EYA2: variants seen among roughly 807,000 people sequenced by gnomAD.
EYA2 encodes the protein EYA transcriptional coactivator and phosphatase 2, also known as protein phosphatase EYA2.
EYA2 carries 31 observed loss-of-function variants against 69.2 expected under a neutral mutation model. The observed-to-expected ratio is 0.45, with a 90% CI of 0.34 to 0.60. The LOEUF (loss-of-function observed/expected upper bound fraction) is 0.60, where lower values mean the gene tolerates loss of function less well. Ranked by LOEUF, EYA2 falls within the 20% of genes least tolerant of loss-of-function variation. EYA2 has a pLI of 0.02. For missense variants in EYA2, 622 were observed against 701.2 expected, an observed-to-expected ratio of 0.89 and a Z score of 1.28; for synonymous variants, 257 against 279.4, an observed-to-expected ratio of 0.92 and a Z score of 0.80.
intron 12 of EYA2, among the ~76,000 whole-genome samples, chr20:47,176,433 A>G (rs977061194): frequency 6.6e-6 from 1 of 152,110 alleles, no homozygotes; most frequent in African/African-American, 2.4e-5. Flanking sequence ...GAAGAAACAG[A>G]TATGGCAGAG....
chr20:47,070,377 G>A (rs1218420096), intron 5 of EYA2, among the ~76,000 whole-genome samples: 1 of 152,238 alleles, frequency 6.6e-6, no homozygotes, highest in Non-Finnish European at 1.5e-5. Context: ...TAGAGTGGCT[G>A]TAATCAAGAA....
At chr20:47,059,297 C>T (rs1279130612) in intron 5 of EYA2, among the ~76,000 whole-genome samples, 3 of 152,058 alleles carry the variant, frequency 2.0e-5, no homozygotes, top group South Asian at 2.1e-4. Context: ...ACTACAGGCT[C>T]GAGGGGCCAG....
Position 47,162,874 on chromosome 20 carries a change from C to T in EYA2, c.979-6265C>T, listed in dbSNP as rs112528229. Among the ~76,000 whole-genome samples the T allele has an allele frequency of 1.9e-3, 282 of 152,108 alleles. 1 individual carries two copies. Among genetic ancestry groups the T allele is most frequent in the African/African-American group, 6.6e-3 (272 of 41,506 alleles). On this transcript the variant is annotated intron_variant, in intron 10 of 15. Transcript: ENST00000327619. ...AGCTAAAACCTTCTTTGATCACCAGCCCAATCCCAGTGACTCCCCATATGA... is the reference window on the plus strand; with the variant it reads ...AGCTAAAACCTTCTTTGATCACCAGTCCAATCCCAGTGACTCCCCATATGA...
intron 4 of EYA2, among the ~76,000 whole-genome samples, 172 bp from the exon 5 acceptor site, chr20:47,016,009 A>G (rs1402667462): frequency 6.6e-6 from 1 of 152,252 alleles, no homozygotes; most frequent in African/African-American, 2.4e-5. Context: ...TATGCTGGCC[A>G]AGTCAAATGT....
chr20:47,088,962 C>T (rs2031985337), intron 7 of EYA2, among the ~76,000 whole-genome samples: 1 of 152,216 alleles, frequency 6.6e-6, no homozygotes, highest in Admixed American at 6.5e-5. Flanking sequence ...TGTCTCCTCT[C>T]ACTAGCGTTG....
intron 1 of EYA2, among the ~76,000 whole-genome samples, chr20:46,904,690 G>T (rs1359761020): frequency 1.3e-5 from 2 of 152,246 alleles, no homozygotes. Flanking sequence ...CCTGCTACTC[G>T]ATCCTGCCAA....
At chr20:46,915,896 C>T (rs1984883009) in intron 1 of EYA2, among the ~76,000 whole-genome samples, 1 of 152,152 alleles carries the variant, frequency 6.6e-6, no homozygotes, top group Non-Finnish European at 1.5e-5. Flanking sequence ...CATCATGGCG[C>T]TTTCCCTCCC....
At chr20:47,127,574 A>T (rs1379338219) in intron 9 of EYA2, among the ~76,000 whole-genome samples, 3 of 152,226 alleles carry the variant, frequency 2.0e-5, no homozygotes, top group Non-Finnish European at 4.4e-5. Flanking sequence ...AAAGAAAAGA[A>T]AATATGTATG....
chr20:46,912,857 C>T (rs1490048811), intron 1 of EYA2, among the ~76,000 whole-genome samples: 6 of 151,216 alleles, frequency 4.0e-5, no homozygotes, highest in Non-Finnish European at 5.9e-5. Context: ...CCCGCCACCG[C>T]GCCCGGCTAA....
chr20:46,952,679 C>G (rs539945732), intron 1 of EYA2, among the ~76,000 whole-genome samples: 1 of 152,190 alleles, frequency 6.6e-6, no homozygotes, highest in African/African-American at 2.4e-5. Context: ...CAGGCCACCC[C>G]GCACCTGGAG....
In EYA2 at chr20:47,049,870, C is replaced by A. The variant is rs1034865861; in HGVS notation, c.416-22315C>A. On this transcript the variant is annotated intron_variant, in intron 5 of 15. Transcript: ENST00000327619. ...TCCCATCTGTGACAGACCCCCCCCCCACCGCCACCAGTCTGTCTTTCTCTC... is the reference window on the plus strand; with the variant it reads ...TCCCATCTGTGACAGACCCCCCCCCAACCGCCACCAGTCTGTCTTTCTCTC... Among the ~76,000 whole-genome samples, 4 of 151,270 alleles carry A rather than the reference C, an allele frequency of 2.6e-5. No homozygotes were observed. The East Asian group carries it at 7.8e-4, about 29-fold the overall frequency.
At chr20:47,182,673 C>A (rs112483916) in intron 14 of EYA2, among the ~76,000 whole-genome samples, 6 of 142,282 alleles carry the variant, frequency 4.2e-5, no homozygotes, top group Non-Finnish European at 6.0e-5. Flanking sequence ...CAGTGGCTCA[C>A]GCCTGTAATC....
intron 5 of EYA2, among the ~76,000 whole-genome samples, chr20:47,021,337 T>G (rs958796152): frequency 3.9e-5 from 6 of 152,028 alleles, no homozygotes; most frequent in Admixed American, 3.9e-4. Context: ...TAGGGAGACT[T>G]AAAAACAGGC....
chr20:47,055,546 A>G (rs190147877), intron 5 of EYA2, among the ~76,000 whole-genome samples: 1 of 152,192 alleles, frequency 6.6e-6, no homozygotes, highest in Admixed American at 6.5e-5. Flanking sequence ...AGCACCGTGC[A>G]GTTCCTGATG....
At chr20:47,082,455 G>C (rs1479742515) in intron 7 of EYA2, among the ~76,000 whole-genome samples, 1 of 151,872 alleles carries the variant, frequency 6.6e-6, no homozygotes, top group Non-Finnish European at 1.5e-5. Flanking sequence ...ACAGGAAATA[G>C]AATATTTTAA....
In EYA2 at chr20:47,117,488, C is replaced by T. The variant is rs934102623; in HGVS notation, c.888+20320C>T. On this transcript the variant is annotated intron_variant, in intron 9 of 15. Coordinates refer to ENST00000327619, the MANE Select transcript of EYA2 (RefSeq NM_005244.5). ...GGCTCCTCTGCCCTCTCCGTTCCAC[C>T]ACAGTCCTCCCCGATTCCTCCGCGG... 1.8e-5 allele frequency: 18 copies of T among 985,376 alleles called. No homozygotes were observed. The African/African-American group carries it at 3.1e-4, about 17-fold the overall frequency. The allele number at this position is 985,376 out of a possible 1,614,324, so 61.0% of individuals were successfully genotyped here.
At chr20:47,153,288 T>A (rs967292016) in intron 10 of EYA2, among the ~76,000 whole-genome samples, 3 of 151,986 alleles carry the variant, frequency 2.0e-5, no homozygotes, top group African/African-American at 7.2e-5. Flanking sequence ...AAACCAGTGA[T>A]GTCATAGGTA....
chr20:47,023,108 A>G (rs562474365), intron 5 of EYA2, among the ~76,000 whole-genome samples: 6 of 152,228 alleles, frequency 3.9e-5, no homozygotes, highest in Admixed American at 1.3e-4. Context: ...GCATCTGTGG[A>G]AATCTTTCTT....
intron 1 of EYA2, among the ~76,000 whole-genome samples, chr20:46,976,389 G>GGTTTTGTTTGTGTGTTT (rs3092080): frequency 2.0e-5 from 3 of 151,254 alleles, no homozygotes; most frequent in Non-Finnish European, 4.4e-5. Context: ...AGAGTTTTTG[G>GGTTTTGTTTGTGTGTTT]GTTTTGTTTT....
Sources: allele counts gnomAD v4.1 joint callset (sites outside exome capture counted in the v4.1 genomes callset), GRCh38; gene constraint gnomAD v4.1.1; transcripts MANE v1.5; gene names NCBI Gene and HGNC (gene_info 2026-07-23, HGNC 2026-07-21).